The following EDDM13 variants were observed in gnomAD, a reference collection of about 807,000 sequenced individuals.
The protein encoded by EDDM13 is epididymal protein 13.
In EDDM13, 24 loss-of-function variants were observed where a neutral mutation model predicts 17.8. That is an observed-to-expected ratio of 1.35 (90% CI 0.98 to 1.90). The LOEUF (loss-of-function observed/expected upper bound fraction) is 1.90, where lower values mean the gene tolerates loss of function less well. Ranked by LOEUF, EDDM13 falls within the 40% of genes most tolerant of loss-of-function variation. The pLI is 0.00. For synonymous variants in EDDM13, 31 were observed against 37.5 expected (o/e 0.83, Z 0.63); for missense variants, 97 against 100.8 (o/e 0.96, Z 0.16).
At chr19:56,285,239 GTTT>G (rs535375628) in intron 6 of EDDM13, among the ~76,000 whole-genome samples, 168 of 152,302 alleles carry the variant, frequency 1.1e-3, no homozygotes, top group African/African-American at 3.8e-3. Flanking sequence ...ATGCTGTGGA[GTTT>G]TTTAAGTTTT....
chr19:56,280,760 C>G (rs1172500341), intron 2 of EDDM13: 1 of 152,112 alleles, frequency 6.6e-6, no homozygotes, highest in African/African-American at 2.4e-5. Flanking sequence ...GAGCTTCAAG[C>G]CCTTTTATAA....
intron 6 of EDDM13, among the ~76,000 whole-genome samples, chr19:56,285,728 C>T (rs1303181792): frequency 1.3e-4 from 20 of 152,176 alleles, no homozygotes; most frequent in Admixed American, 1.3e-3. Flanking sequence ...ATCCGCCCGC[C>T]TTGGCCTCCC....
chr19:56,299,979 A>G (rs2040124453), intron 12 of EDDM13: 1 of 152,180 alleles, frequency 6.6e-6, no homozygotes, highest in Non-Finnish European at 1.5e-5. Context: ...GAGAAAGGTA[A>G]TAATAGGCAA....
intron 12 of EDDM13, among the ~76,000 whole-genome samples, chr19:56,300,999 G>A (rs1454196767): frequency 6.6e-6 from 1 of 152,096 alleles, no homozygotes; most frequent in Non-Finnish European, 1.5e-5. Flanking sequence ...ATGGCGTAGT[G>A]GGCAGAGGCA....
intron 9 of EDDM13, chr19:56,295,017 G>C (rs1568712753): frequency 6.6e-6 from 1 of 152,216 alleles, no homozygotes; most frequent in African/African-American, 2.4e-5. Flanking sequence ...ACTGCTCAGG[G>C]GCACCAGGTT....
chr19:56,278,818 T>C (rs1203196893), intron 2 of EDDM13, among the ~76,000 whole-genome samples: 1 of 152,144 alleles, frequency 6.6e-6, no homozygotes, highest in African/African-American at 2.4e-5. Flanking sequence ...CTGGAGTACC[T>C]GGAGTTCTGA....
chr19:56,294,084 T>G (rs975728956), intron 9 of EDDM13, among the ~76,000 whole-genome samples: 3 of 152,194 alleles, frequency 2.0e-5, no homozygotes, highest in Non-Finnish European at 4.4e-5. Flanking sequence ...TGACAGCACT[T>G]TGCAAACTGA....
chr19:56,277,569 T>C (rs1321514691), intron 2 of EDDM13, among the ~76,000 whole-genome samples: 1 of 151,642 alleles, frequency 6.6e-6, no homozygotes, highest in African/African-American at 2.4e-5. Context: ...GACTAAGGGG[T>C]TCAGGGTTTA....
intron 14 of EDDM13, among the ~76,000 whole-genome samples, chr19:56,305,179 C>T (rs1047567293): frequency 6.6e-6 from 1 of 152,114 alleles, no homozygotes; most frequent in African/African-American, 2.4e-5. Context: ...ATTGTGTGGC[C>T]ATCACCACTA....
chr19:56,302,354 TTTC>T (rs1240924017), intron 13 of EDDM13, among the ~76,000 whole-genome samples: 1 of 146,722 alleles, frequency 6.8e-6, no homozygotes, highest in East Asian at 2.1e-4. Flanking sequence ...CTCTTCCTTT[TTTC>T]TTCCCTCCCT....
chr19:56,302,581 C>CCGTTCCTCCCTCCCTCCCTT (rs1555807487), intron 13 of EDDM13, among the ~76,000 whole-genome samples: 2 of 40,022 alleles, frequency 5.0e-5, no homozygotes, highest in South Asian at 1.2e-3. Flanking sequence ...TTCTTCCTCC[C>CCGTTCCTCCCTCCCTCCCTT]CCTTTTCTTC....
chr19:56,301,931 G>A, intron 12 of EDDM13, 37 bp from the exon 13 acceptor site: 1 of 1,231,970 alleles, frequency 8.1e-7, no homozygotes, highest in Non-Finnish European at 1.0e-6. Flanking sequence ...AGGAAGGGAA[G>A]GCCATCAGCA....
chr19:56,289,591 C>T (rs1055778717), intron 8 of EDDM13, among the ~76,000 whole-genome samples: 5 of 152,120 alleles, frequency 3.3e-5, no homozygotes, highest in African/African-American at 7.2e-5. Flanking sequence ...AAATGTTTCT[C>T]TTGTGTGTGG....
At chr19:56,289,493 C>G (rs1294570654) in intron 8 of EDDM13, among the ~76,000 whole-genome samples, 2 of 152,182 alleles carry the variant, frequency 1.3e-5, no homozygotes, top group African/African-American at 2.4e-5. Context: ...GACCCCTCTT[C>G]CCATGAGTAC....
intron 12 of EDDM13, 60 bp downstream of exon 12, chr19:56,297,591 G>T: frequency 1.2e-5 from 11 of 913,766 alleles, no homozygotes; most frequent in Non-Finnish European, 1.3e-5. Flanking sequence ...TTCTGTCTGG[G>T]CTATGATAAA....
chr19:56,280,999 A>T (rs2038653226), intron 2 of EDDM13, among the ~76,000 whole-genome samples: 1 of 152,216 alleles, frequency 6.6e-6, no homozygotes, highest in Non-Finnish European at 1.5e-5. Context: ...CTTCCCCAAA[A>T]CTTAACTACG....
chr19:56,289,154 G>GTAAA (rs2039343385), intron 8 of EDDM13, among the ~76,000 whole-genome samples: 1 of 152,212 alleles, frequency 6.6e-6, no homozygotes, highest in African/African-American at 2.4e-5. Flanking sequence ...TTCCCATGGT[G>GTAAA]TAAATACTCT....
chr19:56,304,152 G>A (rs1307214011), intron 13 of EDDM13, among the ~76,000 whole-genome samples: 1 of 152,198 alleles, frequency 6.6e-6, no homozygotes, highest in East Asian at 1.9e-4. Context: ...CAGACTGAGA[G>A]GAGGAGACAC....
intron 2 of EDDM13, chr19:56,280,713 G>A (rs1046361744): frequency 2.0e-5 from 3 of 152,090 alleles, no homozygotes; most frequent in Non-Finnish European, 2.9e-5. Context: ...ATGATCAAAG[G>A]ACAGAGAGAG....
Sources: allele counts gnomAD v4.1 joint callset (sites outside exome capture counted in the v4.1 genomes callset), GRCh38; gene constraint gnomAD v4.1.1; transcripts MANE v1.5; gene names NCBI Gene and HGNC (gene_info 2026-07-23, HGNC 2026-07-21).